Variants in DLGAP2 observed in about 807,000 individuals in gnomAD.
The protein encoded by DLGAP2 is disks large-associated protein 2.
In DLGAP2, 26 loss-of-function variants were observed where a neutral mutation model predicts 100.3. The ratio of observed to expected loss-of-function variants is 0.26; its 90% CI spans 0.19 to 0.36. DLGAP2 has a LOEUF of 0.36. Among genes scored for constraint, DLGAP2 ranks in the 10% least tolerant of loss-of-function variants. The pLI is 1.00. For synonymous variants in DLGAP2, 886 were observed against 630.1 expected (o/e 1.41, Z -6.08); for missense variants, 1,858 against 1,453.2 (o/e 1.28, Z -4.53).
intron 3 of DLGAP2, among the ~76,000 whole-genome samples, chr8:1,319,102 G>T (rs1161838256): frequency 6.6e-6 from 1 of 152,084 alleles, no homozygotes; most frequent in East Asian, 1.9e-4. Flanking sequence ...GGCCTCTGAG[G>T]TCTCCGAGGG....
chr8:1,533,673 T>G (rs1801061499), intron 4 of DLGAP2, among the ~76,000 whole-genome samples: 2 of 152,236 alleles, frequency 1.3e-5, no homozygotes, highest in African/African-American at 4.8e-5. Flanking sequence ...TCTGTCATCT[T>G]AAAACTTAAA....
At position 1,075,988 on chromosome 8, in the gene DLGAP2, G is replaced by C. The variant is rs984578716; in HGVS notation, c.73+168022G>C. Among the ~76,000 whole-genome samples the C allele has an allele frequency of 3.9e-5, 6 of 152,174 alleles. No individual in the cohort carries two copies. The South Asian group carries it at 8.3e-4, about 21-fold the overall frequency. On this transcript the variant is annotated intron_variant, in intron 2 of 14. Transcript: ENST00000637795. ...GAGTTCTTAATAGTTATTCTATGGG[G>C]TTTTTCCAGAGAGAGCAATTGGAAG...
At chr8:1,005,584 A>ATTT (rs11370572) in intron 2 of DLGAP2, among the ~76,000 whole-genome samples, 10 of 145,068 alleles carry the variant, frequency 6.9e-5, no homozygotes, top group Admixed American at 2.7e-4. Flanking sequence ...TGCCCAGCTA[A>ATTT]TTTTTTTTTT....
chr8:1,245,487 G>C (rs1048526340), intron 2 of DLGAP2, among the ~76,000 whole-genome samples: 1 of 152,226 alleles, frequency 6.6e-6, no homozygotes, highest in Non-Finnish European at 1.5e-5. Context: ...AAAGAAGCCA[G>C]TCATGAAAAC....
At chr8:795,540 A>G (rs1027243464) in intron 1 of DLGAP2, among the ~76,000 whole-genome samples, 3 of 152,256 alleles carry the variant, frequency 2.0e-5, no homozygotes, top group Non-Finnish European at 2.9e-5. Context: ...GTGCACTGAC[A>G]TAAGGCCGCA....
intron 3 of DLGAP2, among the ~76,000 whole-genome samples, chr8:1,316,501 C>G (rs1464021998): frequency 1.5e-5 from 2 of 130,090 alleles, no homozygotes; most frequent in Admixed American, 1.6e-4. Context: ...AGCGTCTCTC[C>G]AACAGTGGTC....
At chr8:1,247,286 G>A (rs1387201209) in intron 2 of DLGAP2, among the ~76,000 whole-genome samples, 2 of 124,676 alleles carry the variant, frequency 1.6e-5, no homozygotes, top group Admixed American at 7.8e-5. Context: ...GGTCCACATC[G>A]GTGGCTGGGA....
Position 1,678,108 on chromosome 8 carries a change from C to CA in DLGAP2, c.2289-105dup, listed in dbSNP as rs1423566656. The CA allele has an allele frequency of 6.1e-6, 8 of 1,320,492 alleles. No individual in the cohort carries two copies. The African/African-American group carries it at 1.0e-4, about 17-fold the overall frequency. 81.8% of individuals were successfully genotyped at this position (1,320,492 alleles called of 1,614,324 possible). A position where few individuals can be genotyped will look rare whatever the true frequency, so the allele number is the denominator to read the frequency against. On this transcript the variant is annotated intron_variant, in intron 11 of 14. Transcript: ENST00000637795. Reference sequence around the variant, plus strand: ...AAAACACTACCTGCCCTTGAGCCGCCAGGCTGTTGAGCTCAGGTGCGCTCC... The same window carrying CA: ...AAAACACTACCTGCCCTTGAGCCGCCAAGGCTGTTGAGCTCAGGTGCGCTCC...
chr8:983,349 C>T (rs1800393413), intron 2 of DLGAP2, among the ~76,000 whole-genome samples: 2 of 149,532 alleles, frequency 1.3e-5, no homozygotes, highest in South Asian at 4.3e-4. Flanking sequence ...TCGAGATGTT[C>T]TTGTGTCCCT....
chr8:1,499,270 A>G (rs948560682), intron 3 of DLGAP2, among the ~76,000 whole-genome samples: 1 of 152,124 alleles, frequency 6.6e-6, no homozygotes, highest in African/African-American at 2.4e-5. Flanking sequence ...CATGCTTGTC[A>G]TTGCAACTGG....
At chr8:793,349 A>T (rs979304233) in intron 1 of DLGAP2, among the ~76,000 whole-genome samples, 2 of 152,128 alleles carry the variant, frequency 1.3e-5, no homozygotes, top group African/African-American at 4.8e-5. Flanking sequence ...TCTAATTCTA[A>T]TCCTGTTGTC....
At chr8:1,634,378 G>A (rs546203477) in intron 8 of DLGAP2, among the ~76,000 whole-genome samples, 2 of 152,284 alleles carry the variant, frequency 1.3e-5, no homozygotes, top group Admixed American at 6.5e-5. Flanking sequence ...CTTTCTGTAC[G>A]AGGGAGGGTG....
intron 2 of DLGAP2, among the ~76,000 whole-genome samples, chr8:1,018,041 C>G (rs980562809): frequency 4.6e-5 from 7 of 152,108 alleles, no homozygotes; most frequent in African/African-American, 1.7e-4. Flanking sequence ...TGACCCCTGC[C>G]CCTACAGGCC....
At chr8:768,881 G>T (rs1821284826) in intron 1 of DLGAP2, among the ~76,000 whole-genome samples, 1 of 152,178 alleles carries the variant, frequency 6.6e-6, no homozygotes, top group Admixed American at 6.5e-5. Context: ...CTGGGGTCAG[G>T]AGAACGCAGT....
At chr8:798,422 C>T (rs994943302) in intron 1 of DLGAP2, among the ~76,000 whole-genome samples, 8 of 147,504 alleles carry the variant, frequency 5.4e-5, no homozygotes, top group South Asian at 2.2e-4. Flanking sequence ...TGAAAGCAAA[C>T]GCTTGTTGAT....
chr8:1,349,186 T>G (rs2117101473), intron 3 of DLGAP2, among the ~76,000 whole-genome samples: 1 of 150,774 alleles, frequency 6.6e-6, no homozygotes, highest in East Asian at 2.0e-4. Context: ...AAAACACAGC[T>G]GTGTCGTACG....
At chr8:949,888 A>G in intron 2 of DLGAP2, among the ~76,000 whole-genome samples, 1 of 152,192 alleles carries the variant, frequency 6.6e-6, no homozygotes, top group Non-Finnish European at 1.5e-5. Context: ...GTGGCAGATG[A>G]GTAAAAATAG....
intron 3 of DLGAP2, among the ~76,000 whole-genome samples, chr8:1,280,063 G>A (rs1799786130): frequency 6.6e-6 from 1 of 152,220 alleles, no homozygotes; most frequent in African/African-American, 2.4e-5. Flanking sequence ...CTCACGTAAG[G>A]TCTGGAAGTT....
intron 2 of DLGAP2, chr8:1,137,385 C>T: frequency 6.6e-6 from 1 of 152,636 alleles, no homozygotes; most frequent in Non-Finnish European, 1.5e-5. Flanking sequence ...ACCCACCAAA[C>T]CACAGAAGCT....
Sources: allele counts gnomAD v4.1 joint callset (sites outside exome capture counted in the v4.1 genomes callset), GRCh38; gene constraint gnomAD v4.1.1; transcripts MANE v1.5; gene names NCBI Gene and HGNC (gene_info 2026-07-23, HGNC 2026-07-21).